Variants in ADGRL3 observed in about 807,000 individuals in gnomAD.
ADGRL3 encodes the protein calcium-independent alpha-latrotoxin receptor 3.
In ADGRL3, 62 loss-of-function variants were observed where a neutral mutation model predicts 153.5. That is an observed-to-expected ratio of 0.40 (90% CI 0.33 to 0.50). The LOEUF (loss-of-function observed/expected upper bound fraction) is 0.50, where lower values mean the gene tolerates loss of function less well. Among genes scored for constraint, ADGRL3 ranks in the 20% least tolerant of loss-of-function variants. The probability of loss-of-function intolerance (pLI) is 0.47; values close to 1 mark genes in which losing one functional copy is unlikely to be tolerated. For missense variants in ADGRL3, 1,641 were observed against 1,859.4 expected, an observed-to-expected ratio of 0.88 and a Z score of 2.16; for synonymous variants, 710 against 672.5, an observed-to-expected ratio of 1.06 and a Z score of -0.86.
intron 19 of ADGRL3, among the ~76,000 whole-genome samples, chr4:61,987,825 A>G (rs1022242754): frequency 6.6e-6 from 1 of 151,758 alleles, no homozygotes; most frequent in Non-Finnish European, 1.5e-5. Context: ...ACCATTGAAT[A>G]TCTATTACAA....
At chr4:61,492,276 A>G (rs2098267234) in intron 2 of ADGRL3, among the ~76,000 whole-genome samples, 1 of 152,208 alleles carries the variant, frequency 6.6e-6, no homozygotes, top group Non-Finnish European at 1.5e-5. Flanking sequence ...TAGAATTTGT[A>G]GTTATAATTT....
intron 1 of ADGRL3, among the ~76,000 whole-genome samples, chr4:61,349,792 A>C (rs899918045): frequency 6.6e-6 from 1 of 152,128 alleles, no homozygotes; most frequent in Admixed American, 6.5e-5. Flanking sequence ...CTTCTCTGTG[A>C]TATTTATCCC....
intron 1 of ADGRL3, among the ~76,000 whole-genome samples, chr4:61,328,211 C>G (rs901683239): frequency 6.6e-6 from 1 of 152,012 alleles, no homozygotes; most frequent in Non-Finnish European, 1.5e-5. Flanking sequence ...TGTGGAGACC[C>G]CAATGTAGAG....
chr4:61,283,707 C>G (rs1422657103), intron 1 of ADGRL3, among the ~76,000 whole-genome samples: 1 of 151,946 alleles, frequency 6.6e-6, no homozygotes, highest in African/African-American at 2.4e-5. Context: ...TAGTAACTTA[C>G]AAATTACTGT....
intron 1 of ADGRL3, among the ~76,000 whole-genome samples, chr4:61,293,290 C>A (rs1456644345): frequency 6.6e-6 from 1 of 152,144 alleles, no homozygotes; most frequent in Non-Finnish European, 1.5e-5. Context: ...TTTAAACCAT[C>A]ATTACCACAG....
At chr4:61,664,124 G>A (rs2094702251) in intron 5 of ADGRL3, among the ~76,000 whole-genome samples, 1 of 152,114 alleles carries the variant, frequency 6.6e-6, no homozygotes. Context: ...CCTAAAAAGA[G>A]GCTCAGTACT....
At chr4:61,888,421 G>A (rs1260127157) in intron 9 of ADGRL3, among the ~76,000 whole-genome samples, 1 of 152,124 alleles carries the variant, frequency 6.6e-6, no homozygotes, top group African/African-American at 2.4e-5. Context: ...CTATAATATA[G>A]GCTAGAACTT....
At chr4:61,758,317 G>A (rs939183173) in intron 8 of ADGRL3, among the ~76,000 whole-genome samples, 8 of 152,124 alleles carry the variant, frequency 5.3e-5, no homozygotes, top group South Asian at 2.1e-4. Flanking sequence ...GGGAGTCTAC[G>A]TCTCTTTCTA....
At chr4:61,419,851 A>G (rs2097183398) in intron 2 of ADGRL3, among the ~76,000 whole-genome samples, 1 of 151,762 alleles carries the variant, frequency 6.6e-6, no homozygotes. Context: ...CTGGACAGCA[A>G]TGGTGCAATG....
chr4:61,891,902 T>G (rs1392661759), intron 9 of ADGRL3, among the ~76,000 whole-genome samples: 1 of 152,212 alleles, frequency 6.6e-6, no homozygotes, highest in Non-Finnish European at 1.5e-5. Context: ...CTTGGAAACA[T>G]AGGTTCAATT....
At chr4:61,527,560 T>C (rs1447098898) in intron 4 of ADGRL3, among the ~76,000 whole-genome samples, 1 of 152,184 alleles carries the variant, frequency 6.6e-6, no homozygotes, top group Non-Finnish European at 1.5e-5. Context: ...AATGTTTAGG[T>C]GACTCATGGA....
chr4:62,011,074 CCTAAACAACT>C (rs1421015233), intron 21 of ADGRL3, among the ~76,000 whole-genome samples: 2 of 151,970 alleles, frequency 1.3e-5, no homozygotes, highest in Non-Finnish European at 2.9e-5. Context: ...AGTTTCAGCT[CCTAAACAACT>C]ACACAAGAAA....
intron 1 of ADGRL3, among the ~76,000 whole-genome samples, chr4:61,251,867 C>CTTTTTTTTTT (rs374884124): frequency 2.2e-5 from 3 of 135,320 alleles, no homozygotes; most frequent in Non-Finnish European, 4.7e-5. Flanking sequence ...TCCTAAGATT[C>CTTTTTTTTTT]TTTTTTTTTT....
chr4:61,241,170 T>C (rs1754787049), intron 1 of ADGRL3, among the ~76,000 whole-genome samples: 1 of 151,956 alleles, frequency 6.6e-6, no homozygotes, highest in Non-Finnish European at 1.5e-5. Context: ...AACAATATAA[T>C]AAATGGCTGA....
intron 1 of ADGRL3, among the ~76,000 whole-genome samples, chr4:61,356,088 A>C (rs1289735836): frequency 6.6e-6 from 1 of 152,036 alleles, no homozygotes; most frequent in Non-Finnish European, 1.5e-5. Context: ...TACAAATTTG[A>C]CTACACCTTC....
chr4:61,361,600 T>C (rs2096283039), intron 1 of ADGRL3, among the ~76,000 whole-genome samples: 1 of 152,194 alleles, frequency 6.6e-6, no homozygotes, highest in African/African-American at 2.4e-5. Flanking sequence ...TTTCACGATA[T>C]TGTGAAGATT....
intron 17 of ADGRL3, among the ~76,000 whole-genome samples, chr4:61,950,274 A>G (rs1216402868): frequency 1.3e-5 from 2 of 152,160 alleles, no homozygotes; most frequent in Non-Finnish European, 2.9e-5. Flanking sequence ...AAAAACAGCT[A>G]TATAGTTAAT....
At chr4:61,903,650 CAAAAAAAAAAAA>C (rs55879235) in intron 11 of ADGRL3, among the ~76,000 whole-genome samples, 3 of 72,356 alleles carry the variant, frequency 4.1e-5, no homozygotes, top group East Asian at 5.9e-4. Context: ...TGGGAAACAG[CAAAAAAAAAAAA>C]AAAAAAAAAA....
chr4:61,581,005 G>T (rs530538089), intron 4 of ADGRL3, among the ~76,000 whole-genome samples: 1 of 152,206 alleles, frequency 6.6e-6, no homozygotes, highest in African/African-American at 2.4e-5. Flanking sequence ...TGCCACGTGT[G>T]TTGATGGCTG....
Sources: gnomAD v4.1 joint callset for allele counts (sites outside exome capture counted in the v4.1 genomes callset) on GRCh38, gnomAD v4.1.1 for gene constraint, MANE v1.5 for transcripts, NCBI Gene and HGNC (gene_info 2026-07-23, HGNC 2026-07-21) for gene names.